The following TCAF2 variants were observed in gnomAD, a reference collection of about 807,000 sequenced individuals.
The protein encoded by TCAF2 is TRPM8 channel associated factor 2.
In TCAF2, 6 loss-of-function variants were observed where a neutral mutation model predicts 33.9. That is an observed-to-expected ratio of 0.18 (90% CI 0.10 to 0.35). The LOEUF (loss-of-function observed/expected upper bound fraction) is 0.35, where lower values mean the gene tolerates loss of function less well. Among genes scored for constraint, TCAF2 ranks in the 10% least tolerant of loss-of-function variants. The pLI, the probability that TCAF2 is intolerant of heterozygous loss-of-function variation, is 1.00. For missense variants in TCAF2, 109 were observed against 604.0 expected, an observed-to-expected ratio of 0.18 and a Z score of 8.59; for synonymous variants, 41 against 247.8, an observed-to-expected ratio of 0.17 and a Z score of 7.84.
chr7:143,727,470 C>T lies in TCAF2; in HGVS notation c.2563C>T (p.Leu855Phe). The T allele has an allele frequency of 6.5e-7, 1 of 1,543,248 alleles. No individual in the cohort carries two copies. The highest frequency in any genetic ancestry group is 8.7e-7 in the Non-Finnish European group (1 of 1,144,082). ...FTQLFAEYQT[L>F]SHLPKDNTGR... ...CCAGCTCTTTGCTGAGTACCAGACC[C>T]TCTCTCACCTCCCCAAAGACAACAC... is the stretch of plus-strand genomic sequence containing the variant. The change falls in exon 8 of 8, where the codon CTC becomes TTC. Residue 855 changes from leucine to phenylalanine, a missense_variant. Coordinates refer to ENST00000684770, the MANE Select transcript of TCAF2 (RefSeq NM_001363538.2).
chr7:143,707,329 CAAAAAAAA>C (rs1279009880), intron 2 of TCAF2, among the ~76,000 whole-genome samples: 1 of 31,154 alleles, frequency 3.2e-5, no homozygotes, highest in African/African-American at 1.7e-4. Context: ...GACTCTGTCT[CAAAAAAAA>C]AAAAAAAAAA....
At position 143,729,463 on chromosome 7, in the gene TCAF2, C is replaced by T. The variant is rs1341925885; in HGVS notation, c.*1796C>T. The T allele has an allele frequency of 6.6e-6, 1 of 152,180 alleles. No individual in the cohort carries two copies. Among genetic ancestry groups the T allele is most frequent in the Non-Finnish European group, 1.5e-5 (1 of 68,040 alleles). The allele number at this position is 152,180 out of a possible 1,614,324, so 9.4% of individuals were successfully genotyped here. A position where few individuals can be genotyped will look rare whatever the true frequency, so the allele number is the denominator to read the frequency against. ...TTACTACTGAATTTTCATTCAATAACAAGTTTAACTTCCAAAAAGGTGTTG... is the reference window on the plus strand; with the variant it reads ...TTACTACTGAATTTTCATTCAATAATAAGTTTAACTTCCAAAAAGGTGTTG... On this transcript the variant is annotated 3_prime_UTR_variant, in exon 8 of 8. Coordinates refer to ENST00000684770, the MANE Select transcript of TCAF2 (RefSeq NM_001363538.2).
intron 2 of TCAF2, among the ~76,000 whole-genome samples, chr7:143,718,614 A>C (rs902537239): frequency 6.9e-6 from 1 of 145,456 alleles, no homozygotes; most frequent in African/African-American, 2.5e-5. Context: ...TGTTTTAAAA[A>C]AATTCTTGAA....
intron 1 of TCAF2, among the ~76,000 whole-genome samples, chr7:143,637,033 C>CT (rs1276076104): frequency 1.8e-3 from 2 of 1,134 alleles, no homozygotes; most frequent in African/African-American, 2.7e-3. Context: ...CATCTCCATC[C>CT]TTTTTTTTTT....
In TCAF2 at chr7:143,647,951, G is replaced by A. The variant is rs1444504233; in HGVS notation, c.-12+26931G>A. Among the ~76,000 whole-genome samples, 8 of 127,872 alleles carry A rather than the reference G, an allele frequency of 6.3e-5. 1 individual carries two copies. The highest frequency in any genetic ancestry group is 2.3e-4 in the African/African-American group (8 of 35,180). 83.9% of individuals were successfully genotyped at this position (127,872 alleles called of 152,430 possible). ...CTTTTTTTATTTGAGATGGAGTTTC[G>A]CTCTGTCGCCAGGCTAGAGTGCAGT... On this transcript the variant is annotated intron_variant, in intron 1 of 7. Transcript: ENST00000684770.
intron 1 of TCAF2, among the ~76,000 whole-genome samples, chr7:143,648,026 C>G (rs1809096841): frequency 1.0e-5 from 1 of 99,522 alleles, no homozygotes; most frequent in African/African-American, 3.3e-5. Flanking sequence ...TCAAGCAATT[C>G]TACTGCCTCA....
In TCAF2 at chr7:143,724,499, G is replaced by A; in HGVS notation, c.2307G>A (p.Glu769=). The A allele has an allele frequency of 1.9e-6, 3 of 1,611,254 alleles. No individual in the cohort carries two copies. In the South Asian group the frequency reaches 3.3e-5, roughly 18 times the overall value. Reference sequence around the variant, plus strand: ...ACAACCAACAGCGGCATGGATGGGAGTTCCCCCCACACACTACTGAGGCCA... The same window carrying A: ...ACAACCAACAGCGGCATGGATGGGAATTCCCCCCACACACTACTGAGGCCA... ...LGHNQQRHGW[E]FPPHTTEATC... Residue 769 remains glutamate, a synonymous_variant, in exon 7 of 8, where the codon GAG becomes GAA. Coordinates refer to ENST00000684770, the MANE Select transcript of TCAF2 (RefSeq NM_001363538.2).
chr7:143,718,445 G>C (rs1252829544), intron 2 of TCAF2, among the ~76,000 whole-genome samples: 1 of 151,334 alleles, frequency 6.6e-6, no homozygotes, highest in Admixed American at 6.6e-5. Context: ...GGCTTATTTA[G>C]AGCATGGTAT....
rs1251845510 is a variant in TCAF2, at chr7:143,712,450, G to A, written c.624-7233G>A. On this transcript the variant is annotated intron_variant, in intron 2 of 7. Transcript: ENST00000684770. ...AGGCTGAGGTAGGAGGCTCTCTTGA[G>A]GCTGGGAATCCAAGGCTGCAGTGTG... Among the ~76,000 whole-genome samples, 2 of 102,484 alleles carry A rather than the reference G, an allele frequency of 2.0e-5. 1 individual carries two copies. Among genetic ancestry groups the A allele is most frequent in the Non-Finnish European group, 4.4e-5 (2 of 45,604 alleles). The allele number at this position is 102,484 out of a possible 152,430, so 67.2% of individuals were successfully genotyped here. A position where few individuals can be genotyped will look rare whatever the true frequency, so the allele number is the denominator to read the frequency against.
chr7:143,728,545 CA>C lies in TCAF2; in HGVS notation c.*881del, dbSNP rs1809736114. The C allele has an allele frequency of 6.6e-6, 1 of 152,140 alleles. No individual in the cohort carries two copies. The highest frequency in any genetic ancestry group is 6.5e-5 in the Admixed American group (1 of 15,278). The allele number at this position is 152,140 out of a possible 1,614,324, so 9.4% of individuals were successfully genotyped here. A position where few individuals can be genotyped will look rare whatever the true frequency, so the allele number is the denominator to read the frequency against. On this transcript the variant is annotated 3_prime_UTR_variant, in exon 8 of 8. Coordinates refer to ENST00000684770, the MANE Select transcript of TCAF2 (RefSeq NM_001363538.2). Reference sequence around the variant, plus strand: ...CAGGGTTTGCCCTTTGCCCTTCAACCAAAGGACAAAGTCATGTTAACAGCTG... The same window carrying C: ...CAGGGTTTGCCCTTTGCCCTTCAACCAAGGACAAAGTCATGTTAACAGCTG...
chr7:143,701,854 G>A lies in TCAF2; in HGVS notation c.-11-1130G>A, dbSNP rs1382865026. Among the ~76,000 whole-genome samples, 5 of 83,376 alleles carry A rather than the reference G, an allele frequency of 6.0e-5. 1 individual carries two copies. Among genetic ancestry groups the A allele is most frequent in the Non-Finnish European group, 9.2e-5 (4 of 43,370 alleles). 54.7% of individuals were successfully genotyped at this position (83,376 alleles called of 152,430 possible). ...TTTTGAGGCAGAGTCTTGTTCTCTC[G>A]CACAGGCTAGAGTCCACTGGTGCGA... On this transcript the variant is annotated intron_variant, in intron 1 of 7. Coordinates refer to ENST00000684770, the MANE Select transcript of TCAF2 (RefSeq NM_001363538.2).
rs1809777219 is a variant in TCAF2 at position 143,729,981 on chromosome 7, C to T, written c.*2314C>T. On this transcript the variant is annotated 3_prime_UTR_variant, in exon 8 of 8. Transcript: ENST00000684770. ...TGCATGGTATTCAATGGTATATATG[C>T]CATATTTTCTTTATCCAGTCTATCA... 1 of 152,052 alleles carries T rather than the reference C, an allele frequency of 6.6e-6. No individual in the cohort carries two copies. The highest frequency in any genetic ancestry group is 2.1e-4 in the South Asian group (1 of 4,820). The allele number at this position is 152,052 out of a possible 1,614,324, so 9.4% of individuals were successfully genotyped here.
intron 1 of TCAF2, among the ~76,000 whole-genome samples, chr7:143,636,844 T>C (rs1303033848): frequency 1.4e-3 from 8 of 5,818 alleles, no homozygotes; most frequent in African/African-American, 2.6e-3. Context: ...TGTGTGTGTG[T>C]GCTCTGCACA....
chr7:143,720,969 G>C (rs1809532482), intron 3 of TCAF2: 1 of 318,388 alleles, frequency 3.1e-6, no homozygotes. Context: ...TAGTAGAGAG[G>C]GAGTTTCACC....
Position 143,724,554 on chromosome 7 carries a change from GAAACAGTCCTGGGGAT to G in TCAF2, c.2363_2378del (p.Glu788AlafsTer10). Reference sequence around the variant, plus strand: ...TAACCTTTGGTCAGTCTACGTGCATGAAACAGTCCTGGGGATCCCCAGGGCTCAGGCCCACGAGGCT... The same window carrying G: ...TAACCTTTGGTCAGTCTACGTGCATGCCCCAGGGCTCAGGCCCACGAGGCT... On this transcript the variant is annotated frameshift_variant, in exon 7 of 8. Transcript: ENST00000684770. LOFTEE classifies it high-confidence loss of function. 3.7e-6 allele frequency: 6 copies of G among 1,610,962 alleles called. No individual in the cohort carries two copies. The highest frequency in any genetic ancestry group is 5.1e-6 in the Non-Finnish European group (6 of 1,179,492).
chr7:143,730,218 CCAA>C lies in TCAF2; in HGVS notation c.*2557_*2559del, dbSNP rs1323679542. Reference sequence around the variant, plus strand: ...ACAATGGTTGAACTAATTTACACTCCCAACAACAGTGTAAAAGCATTCCTGTTT... The same window carrying C: ...ACAATGGTTGAACTAATTTACACTCCCAACAGTGTAAAAGCATTCCTGTTT... On this transcript the variant is annotated 3_prime_UTR_variant, in exon 8 of 8. Transcript: ENST00000684770. 6.6e-6 allele frequency: 1 copy of C among 152,114 alleles called. No homozygotes were observed. Among genetic ancestry groups the C allele is most frequent in the African/African-American group, 2.4e-5 (1 of 41,410 alleles). The allele number at this position is 152,114 out of a possible 1,614,324, so 9.4% of individuals were successfully genotyped here. A position where few individuals can be genotyped will look rare whatever the true frequency, so the allele number is the denominator to read the frequency against.
At position 143,719,408 on chromosome 7, in the gene TCAF2, AAAAG is replaced by A. The variant is rs1554472759; in HGVS notation, c.624-259_624-256del. On this transcript the variant is annotated intron_variant, in intron 2 of 7. Transcript: ENST00000684770. ...AGAGCGAAACTCCATCTCAAATAAA[AAAAG>A]AAAGAAAGAAAGAAAAGAAAGAAAG... Among the ~76,000 whole-genome samples, 8 of 42,544 alleles carry A rather than the reference AAAAG, an allele frequency of 1.9e-4. 1 individual carries two copies. Among genetic ancestry groups the A allele is most frequent in the African/African-American group, 2.8e-4 (4 of 14,096 alleles). 27.9% of individuals were successfully genotyped at this position (42,544 alleles called of 152,430 possible).
At position 143,729,034 on chromosome 7, in the gene TCAF2, T is replaced by C. The variant is rs1201829733; in HGVS notation, c.*1367T>C. The C allele has an allele frequency of 6.6e-6, 1 of 152,046 alleles. No homozygotes were observed. Among genetic ancestry groups the C allele is most frequent in the African/African-American group, 2.4e-5 (1 of 41,406 alleles). The allele number at this position is 152,046 out of a possible 1,614,324, so 9.4% of individuals were successfully genotyped here. A position where few individuals can be genotyped will look rare whatever the true frequency, so the allele number is the denominator to read the frequency against. On this transcript the variant is annotated 3_prime_UTR_variant, in exon 8 of 8. Transcript: ENST00000684770. ...ATTCTAGATAATTTCCTTTTATTTC[T>C]CTAGTACCCTTTGCCAGGGGCTCTA...
chr7:143,718,553 T>C (rs2116511640), intron 2 of TCAF2, among the ~76,000 whole-genome samples: 1 of 151,758 alleles, frequency 6.6e-6, no homozygotes, highest in African/African-American at 2.4e-5. Flanking sequence ...TTGTTAACCA[T>C]AATTTATTTA....
Sources: gnomAD v4.1 joint callset for allele counts (sites outside exome capture counted in the v4.1 genomes callset) on GRCh38, gnomAD v4.1.1 for gene constraint, MANE v1.5 for transcripts, NCBI Gene and HGNC (gene_info 2026-07-23, HGNC 2026-07-21) for gene names.